Variants in GCN1 observed in about 807,000 individuals in gnomAD.
GCN1 encodes the protein GCN1 activator of EIF2AK4.
In GCN1, 90 loss-of-function variants were observed where a neutral mutation model predicts 288.4. That is an observed-to-expected ratio of 0.31 (90% CI 0.26 to 0.37). GCN1 has a LOEUF of 0.37. GCN1 is among the 10% of genes least tolerant of loss of function. The pLI, the probability that GCN1 is intolerant of heterozygous loss-of-function variation, is 1.00. For synonymous variants in GCN1, 1,386 were observed against 1,420.2 expected (o/e 0.98, Z 0.54); for missense variants, 2,586 against 3,419.9 (o/e 0.76, Z 6.08).
Position 120,134,605 on chromosome 12 carries a change from A to G in GCN1, c.7130T>C (p.Ile2377Thr). ...AADALGKLIS[I>T]HIKVDPLFTE... Reference sequence around the variant, plus strand: ...GAAGAGGGGGTCCACCTTAATGTGGATGGAAATGAGCTTCCCCAGAGCATC... The same window carrying G: ...GAAGAGGGGGTCCACCTTAATGTGGGTGGAAATGAGCTTCCCCAGAGCATC... Residue 2377 changes from isoleucine to threonine, a missense_variant, in exon 52 of 58, where the codon ATC becomes ACC. Around this residue, in one of 8 missense-constraint regions of GCN1, gnomAD observed 355 missense variants for 431.1 expected, o/e 0.82. Transcript: ENST00000300648. The surrounding 1 kb of genome is among the most constrained non-coding windows in gnomAD (Gnocchi z 5.0). 1 of 1,614,152 alleles carries G rather than the reference A, an allele frequency of 6.2e-7. No homozygotes were observed. Among genetic ancestry groups the G allele is most frequent in the East Asian group, 2.2e-5 (1 of 44,882 alleles).
intron 9 of GCN1, among the ~76,000 whole-genome samples, chr12:120,176,633 G>A (rs1311556869): frequency 6.6e-6 from 1 of 152,096 alleles, no homozygotes; most frequent in Non-Finnish European, 1.5e-5. Context: ...ATATTTTCTG[G>A]GAATCAGAAC....
At chr12:120,173,943 C>CG in intron 13 of GCN1, 117 bp from the exon 14 acceptor site, 9 of 1,044,268 alleles carry the variant, frequency 8.6e-6, no homozygotes, top group Middle Eastern at 2.0e-4. Flanking sequence ...ATATTTCAGA[C>CG]AGCTACGAGC....
At chr12:120,161,626 G>A (rs180939922) in intron 21 of GCN1, 43 bp from the exon 22 acceptor site, 33 of 1,428,144 alleles carry the variant, frequency 2.3e-5, no homozygotes, top group Non-Finnish European at 3.1e-5. Context: ...GAAAAGCACC[G>A]CAAGTCCTGT....
At position 120,162,920 on chromosome 12, in the gene GCN1, T is replaced by A. The variant is rs373008632; in HGVS notation, c.2090A>T (p.Asp697Val). 1.2e-6 allele frequency: 2 copies of A among 1,614,056 alleles called. No homozygotes were observed. The highest frequency in any genetic ancestry group is 1.7e-6 in the Non-Finnish European group (2 of 1,180,034). ...GTGCCTGGTGATAAAGGCTTCAGGA[T>A]CGATCTTCATCCTGGCAAGAAGTGC... The part of the protein sequence containing the change: ...WPALLARMKI[D>V]PEAFITRHLD... The change falls in exon 20 of 58, where the codon GAT (aspartate) becomes GTT (valine). Residue 697 changes from aspartate to valine, a missense_variant. Asp to Val is a radical substitution (Grantham distance 152). Coordinates refer to ENST00000300648, the MANE Select transcript of GCN1 (RefSeq NM_006836.2).
chr12:120,170,052 CT>C, intron 15 of GCN1, 116 bp downstream of exon 15: 1 of 862,820 alleles, frequency 1.2e-6, no homozygotes, highest in Non-Finnish European at 1.9e-6. Context: ...ACAAGCAAAC[CT>C]GTGGCTGATC....
At chr12:120,151,030 G>A (rs1314135953) in intron 34 of GCN1, 115 bp downstream of exon 34, 3 of 1,157,202 alleles carry the variant, frequency 2.6e-6, no homozygotes, top group Non-Finnish European at 3.8e-6. Context: ...GGGGCCCTCT[G>A]TAGTACACGC....
At position 120,153,467 on chromosome 12, in the gene GCN1, C is replaced by T. The variant is rs1193799653; in HGVS notation, c.3868-60G>A. 13 of 1,453,514 alleles carry T rather than the reference C, an allele frequency of 8.9e-6. No homozygotes were observed. In the South Asian group the frequency reaches 9.8e-5, roughly 11 times the overall value. The allele number at this position is 1,453,514 out of a possible 1,614,324, so 90.0% of individuals were successfully genotyped here. On this transcript the variant is annotated intron_variant, in intron 32 of 57. Transcript: ENST00000300648. The surrounding 1 kb of genome is among the most constrained non-coding windows in gnomAD (Gnocchi z 4.4). The stretch of plus-strand genomic sequence containing the variant: ...CCCTACAGGCTGCATCTGGGGACAA[C>T]AGTCCCTGCCCTGAGGACCAAGACC...
At chr12:120,143,446 C>T (rs1280751934) in intron 42 of GCN1, among the ~76,000 whole-genome samples, 2 of 152,106 alleles carry the variant, frequency 1.3e-5, no homozygotes, top group Non-Finnish European at 1.5e-5. Flanking sequence ...GCCAGGCGTG[C>T]TGGCAGGTGC....
chr12:120,171,465 T>C (rs1484721312), intron 14 of GCN1, among the ~76,000 whole-genome samples: 1 of 151,524 alleles, frequency 6.6e-6, no homozygotes, highest in Non-Finnish European at 1.5e-5. Flanking sequence ...AAACTCCATC[T>C]CAAAAAAAAA....
chr12:120,145,163 C>G (rs1344284621), intron 39 of GCN1, 99 bp downstream of exon 39: 24 of 1,562,968 alleles, frequency 1.5e-5, no homozygotes, highest in African/African-American at 5.4e-5. Context: ...TTTCTCTTTA[C>G]CCAACAGACA....
At position 120,147,215 on chromosome 12, in the gene GCN1, C is replaced by G. The variant is rs971510743; in HGVS notation, c.4784G>C (p.Cys1595Ser). 6.2e-7 allele frequency: 1 copy of G among 1,613,140 alleles called. No homozygotes were observed. The highest frequency in any genetic ancestry group is 8.5e-7 in the Non-Finnish European group (1 of 1,179,360). Residue 1595 changes from cysteine (C) to serine (S), a missense_variant, in exon 38 of 58, where the codon TGC becomes TCC. Coordinates refer to ENST00000300648, the MANE Select transcript of GCN1 (RefSeq NM_006836.2). ...LTDPSRKTQKCLQTLLDTKFV... is the reference protein window; with the variant it reads ...LTDPSRKTQKSLQTLLDTKFV... ...CTTGGTGTCCAGCAGGGTCTGCAAG[C>G]ACTTCTGGGTCTTCCTGGAGGGATC... is the stretch of plus-strand genomic sequence containing the variant.
chr12:120,186,346 G>C (rs1878820141), intron 2 of GCN1, among the ~76,000 whole-genome samples: 1 of 151,428 alleles, frequency 6.6e-6, no homozygotes, highest in Non-Finnish European at 1.5e-5. Flanking sequence ...CTGCACTCCA[G>C]CCCAGGAGAC....
chr12:120,185,340 A>T (rs568629083), intron 2 of GCN1, among the ~76,000 whole-genome samples: 1 of 152,348 alleles, frequency 6.6e-6, no homozygotes. Context: ...GAACACCTAT[A>T]ACTGGAGTGT....
intron 36 of GCN1, among the ~76,000 whole-genome samples, chr12:120,149,245 G>C (rs1877460446): frequency 6.6e-6 from 1 of 152,088 alleles, no homozygotes; most frequent in African/African-American, 2.4e-5. Context: ...GAGCTGGCCA[G>C]GCGTGGTGAC....
At chr12:120,157,785 G>C in intron 26 of GCN1, 64 bp downstream of exon 26, 1 of 1,313,400 alleles carries the variant, frequency 7.6e-7, no homozygotes, top group Non-Finnish European at 1.1e-6. Context: ...GACAAAACGT[G>C]TCCACAGGCC....
chr12:120,163,896 G>A (rs913953814), intron 18 of GCN1, among the ~76,000 whole-genome samples: 7 of 152,198 alleles, frequency 4.6e-5, no homozygotes, highest in Non-Finnish European at 1.0e-4. Context: ...GCCGAGGTAG[G>A]AGGATCACTT....
At position 120,175,965 on chromosome 12, in the gene GCN1, A is replaced by G. The variant is rs1055622869; in HGVS notation, c.914-91T>C. On this transcript the variant is annotated intron_variant, in intron 10 of 57. Coordinates refer to ENST00000300648, the MANE Select transcript of GCN1 (RefSeq NM_006836.2). ...TTTTCCATGCCCCCATCTCTTCAGT[A>G]TTAGCTGTTTGCTCTCATTCAAATA... is the stretch of plus-strand genomic sequence containing the variant. 4.7e-6 allele frequency: 7 copies of G among 1,482,472 alleles called. No individual in the cohort carries two copies. In the Admixed American group the frequency reaches 8.1e-5, roughly 17 times the overall value. 91.8% of individuals were successfully genotyped at this position (1,482,472 alleles called of 1,614,324 possible). A position where few individuals can be genotyped will look rare whatever the true frequency, so the allele number is the denominator to read the frequency against.
chr12:120,130,269 G>A (rs1192620149), intron 56 of GCN1, among the ~76,000 whole-genome samples: 1 of 152,196 alleles, frequency 6.6e-6, no homozygotes, highest in Non-Finnish European at 1.5e-5. Flanking sequence ...ACATAGCACA[G>A]TAACCACACC....
At chr12:120,162,312 G>A in intron 20 of GCN1, 2 of 520,200 alleles carry the variant, frequency 3.8e-6, no homozygotes, top group South Asian at 2.3e-5. Context: ...TGGTTCAGGT[G>A]GAGCTGCCCT....
Sources: gnomAD v4.1 joint callset for allele counts (sites outside exome capture counted in the v4.1 genomes callset) on GRCh38, gnomAD v4.1.1 for gene constraint, gnomAD v4.1.1 regional missense constraint, Gnocchi (gnomAD v3.1) non-coding constraint, MANE v1.5 for transcripts, NCBI Gene and HGNC (gene_info 2026-07-23, HGNC 2026-07-21) for gene names.